Variants in PCF11 observed in about 807,000 individuals in gnomAD.
PCF11 encodes the protein PCF11 cleavage and polyadenylation factor subunit.
In PCF11, 19 loss-of-function variants were observed where a neutral mutation model predicts 166.1. That is an observed-to-expected ratio of 0.11 (90% CI 0.08 to 0.17). PCF11 has a LOEUF of 0.17. Among genes scored for constraint, PCF11 ranks in the 10% least tolerant of loss-of-function variants. The pLI, the probability that PCF11 is intolerant of heterozygous loss-of-function variation, is 1.00. For synonymous variants in PCF11, 663 were observed against 644.1 expected (o/e 1.03, Z -0.44); for missense variants, 1,565 against 1,855.5 (o/e 0.84, Z 2.88).
At chr11:83,166,300 G>T in exon 5 of PCF11, 1 of 1,613,322 alleles carries the variant, frequency 6.2e-7, no homozygotes, top group African/African-American at 1.3e-5. Context: ...GAAAAACAGG[G>T]GACAAAACCA....
exon 8 of PCF11, chr11:83,169,513 G>C: frequency 5.0e-6 from 8 of 1,613,894 alleles, no homozygotes; most frequent in Non-Finnish European, 6.8e-6. Flanking sequence ...TGGTCAGCCA[G>C]GTCCTAGATT....
At chr11:83,186,097 T>TC (rs760556237) in exon 16 of PCF11, 17 of 152,218 alleles carry the variant, frequency 1.1e-4, no homozygotes, top group Non-Finnish European at 1.6e-4. Flanking sequence ...TTAAAATTTT[T>TC]ATAAGAATTT....
rs767337680 is a variant in PCF11 at position 83,161,488 on chromosome 11, TAAA to T, written c.318+40_318+42del. On this transcript the variant is annotated intron_variant, in intron 2 of 15. Coordinates refer to ENST00000298281, the Ensembl canonical transcript of PCF11. ...ATTTAGAAACATTTGCGTTTTTTTT[TAAA>T]AAATGTGTTCCTGATTAAATAAATA... 2.1e-6 allele frequency: 3 copies of T among 1,456,176 alleles called. No homozygotes were observed. The South Asian group carries it at 4.0e-5, about 19-fold the overall frequency. The allele number at this position is 1,456,176 out of a possible 1,614,324, so 90.2% of individuals were successfully genotyped here.
At chr11:83,176,669 C>T (rs368263343) in intron 9 of PCF11, among the ~76,000 whole-genome samples, 2 of 151,052 alleles carry the variant, frequency 1.3e-5, no homozygotes, top group African/African-American at 4.9e-5. Context: ...GGGAACATCA[C>T]ACACCAGGCA....
chr11:83,164,857 T>G (rs899880509), intron 4 of PCF11, among the ~76,000 whole-genome samples: 6 of 152,346 alleles, frequency 3.9e-5, no homozygotes, highest in African/African-American at 1.4e-4. Context: ...ATCAAGACCC[T>G]GTCTCAAGAA....
At position 83,167,203 on chromosome 11, in the gene PCF11, A is replaced by C; in HGVS notation, c.1896A>C (p.Leu632Phe). ...GCTGGTCAAGCACTAAAGGAATTTT[A>C]TCACCTCGAGCCCCAAAGCAGCAAC... The change falls in exon 6 of 16, where the codon TTA becomes TTC. Residue 632 changes from leucine (L) to phenylalanine (F), a missense_variant. Leu to Phe is a conservative substitution (Grantham distance 22). Coordinates refer to ENST00000298281, the Ensembl canonical transcript of PCF11. This position sits in a 1 kb window ranked among gnomAD's most constrained non-coding sequence, Gnocchi z 4.2. 1 of 1,613,722 alleles carries C rather than the reference A, an allele frequency of 6.2e-7. No homozygotes were observed. The highest frequency in any genetic ancestry group is 8.5e-7 in the Non-Finnish European group (1 of 1,179,654).
Position 83,176,156 on chromosome 11 carries a change from T to G in PCF11, c.3758-929T>G, listed in dbSNP as rs1860872134. 2.6e-5 allele frequency among the ~76,000 whole-genome samples: 4 copies of G among 152,090 alleles called. No individual in the cohort carries two copies. The South Asian group carries it at 8.3e-4, about 32-fold the overall frequency. On this transcript the variant is annotated intron_variant, in intron 9 of 15. Coordinates refer to ENST00000298281, the Ensembl canonical transcript of PCF11. Reference sequence around the variant, plus strand: ...TACTTAGAAGATGAGGAAGAGAGATTAGAAAGGTGGAAAGTTGGAGATGGG... The same window carrying G: ...TACTTAGAAGATGAGGAAGAGAGATGAGAAAGGTGGAAAGTTGGAGATGGG...
chr11:83,184,608 C>T (rs1861208140), intron 15 of PCF11, 71 bp from the exon 16 acceptor site: 14 of 1,047,412 alleles, frequency 1.3e-5, no homozygotes, highest in Non-Finnish European at 2.0e-5. Context: ...AAGGGTCTTA[C>T]AAGACTAAAT....
chr11:83,171,422 A>AT, intron 8 of PCF11: 1 of 355,414 alleles, frequency 2.8e-6, no homozygotes, highest in South Asian at 2.2e-5. Flanking sequence ...ATATTGCATT[A>AT]TGTCAGTTCT....
rs1406423191 is a variant in PCF11, at chr11:83,167,992, C to G, written c.2093-436C>G. 1 of 949,456 alleles carries G rather than the reference C, an allele frequency of 1.1e-6. No homozygotes were observed. The highest frequency in any genetic ancestry group is 1.4e-6 in the Non-Finnish European group (1 of 721,026). The allele number at this position is 949,456 out of a possible 1,614,324, so 58.8% of individuals were successfully genotyped here. ...GTGGGGATGGATTTTTGTGACTGTTCAGATTACCATTTTTTTTCCCATTTA... is the reference window on the plus strand; with the variant it reads ...GTGGGGATGGATTTTTGTGACTGTTGAGATTACCATTTTTTTTCCCATTTA... On this transcript the variant is annotated intron_variant, in intron 7 of 15. Coordinates refer to ENST00000298281, the Ensembl canonical transcript of PCF11. The surrounding 1 kb of genome is among the most constrained non-coding windows in gnomAD (Gnocchi z 4.2).
At chr11:83,166,595 A>G in exon 5 of PCF11, 1 of 1,613,992 alleles carries the variant, frequency 6.2e-7, no homozygotes, top group Non-Finnish European at 8.5e-7. Flanking sequence ...AGGAGCGACC[A>G]CAAGAAACTA....
chr11:83,162,656 A>C (rs1392575758), intron 2 of PCF11, among the ~76,000 whole-genome samples: 1 of 152,218 alleles, frequency 6.6e-6, no homozygotes, highest in East Asian at 1.9e-4. Context: ...CCTTGTAATA[A>C]ATACATTATT....
At chr11:83,187,038 T>G (rs1861315761) in exon 16 of PCF11, 1 of 152,342 alleles carries the variant, frequency 6.6e-6, no homozygotes, top group East Asian at 1.9e-4. Flanking sequence ...AAAATTTTTT[T>G]TTTTCTTTTT....
At chr11:83,157,418 C>T (rs890091423) in exon 1 of PCF11, 1 of 1,601,250 alleles carries the variant, frequency 6.2e-7, no homozygotes, top group South Asian at 1.1e-5. Context: ...TGCAGCGGAC[C>T]TCGGAGGGGG....
chr11:83,157,568 A>G (rs372686394), exon 1 of PCF11: 13 of 1,613,928 alleles, frequency 8.1e-6, no homozygotes, highest in African/African-American at 2.7e-5. Flanking sequence ...TGACCATTCT[A>G]GCCGAGGAGA....
chr11:83,163,343 T>A (rs752850495), intron 2 of PCF11, among the ~76,000 whole-genome samples: 3 of 152,174 alleles, frequency 2.0e-5, no homozygotes, highest in Non-Finnish European at 2.9e-5. Context: ...TGTTTTATAT[T>A]TTTTAGTTTT....
At chr11:83,184,566 AT>A in intron 15 of PCF11, 112 bp from the exon 16 acceptor site, 1 of 696,576 alleles carries the variant, frequency 1.4e-6, no homozygotes, top group Non-Finnish European at 2.4e-6. Context: ...TTTCATTTGC[AT>A]TTGGTTGTAT....
chr11:83,162,671 G>C (rs1860302952), intron 2 of PCF11, among the ~76,000 whole-genome samples: 1 of 152,190 alleles, frequency 6.6e-6, no homozygotes, highest in Admixed American at 6.5e-5. Flanking sequence ...ATTATTATCT[G>C]AAGACTTATG....
chr11:83,184,659 T>A lies in PCF11; in HGVS notation c.4453-20T>A, dbSNP rs78819954. The A allele has an allele frequency of 5.8e-6, 9 of 1,557,630 alleles. No individual in the cohort carries two copies. In the South Asian group the frequency reaches 1.0e-4, roughly 18 times the overall value. On this transcript the variant is annotated intron_variant, in intron 15 of 15. Coordinates refer to ENST00000298281, the Ensembl canonical transcript of PCF11. The stretch of plus-strand genomic sequence containing the variant: ...AATTTTGAACTTTCATCAGTACTCA[T>A]AGGGCCTTTCATTTTGTAGACATCT...
Sources: allele counts gnomAD v4.1 joint callset (sites outside exome capture counted in the v4.1 genomes callset), GRCh38; gene constraint gnomAD v4.1.1; non-coding constraint Gnocchi (gnomAD v3.1); transcripts MANE v1.5; gene names NCBI Gene and HGNC (gene_info 2026-07-23, HGNC 2026-07-21).